Variants in SLC35B3 observed in about 807,000 individuals in gnomAD.
SLC35B3 encodes the protein adenosine 3'-phospho 5'-phosphosulfate transporter 2.
A neutral mutation model predicts 44.1 loss-of-function variants in SLC35B3; 35 were observed. The ratio of observed to expected loss-of-function variants is 0.79; its 90% CI spans 0.61 to 1.05. The LOEUF (loss-of-function observed/expected upper bound fraction) is 1.05. Among genes scored for constraint, SLC35B3 ranks in the 50% least tolerant of loss-of-function variants. The pLI is 0.00. For synonymous variants in SLC35B3, 146 were observed against 167.3 expected (o/e 0.87, Z 0.98); for missense variants, 414 against 476.4 (o/e 0.87, Z 1.22).
chr6:8,425,152 G>A (rs1192437110), intron 4 of SLC35B3, among the ~76,000 whole-genome samples: 3 of 152,156 alleles, frequency 2.0e-5, no homozygotes, highest in Admixed American at 6.5e-5. Context: ...AACATGGCTT[G>A]AGGCCCCCTC....
rs1012365385 is a variant in SLC35B3 at position 8,433,073 on chromosome 6, T to C, written c.3+1312A>G. Among the ~76,000 whole-genome samples the C allele has an allele frequency of 6.6e-6, 1 of 152,216 alleles. No homozygotes were observed. Among genetic ancestry groups the C allele is most frequent in the African/African-American group, 2.4e-5 (1 of 41,462 alleles). ...GGGAGTCATCTTAAGAATCTTTCCT[T>C]TTCCTCACATTCTATATTTTGCCAA... On this transcript the variant is annotated intron_variant, in intron 2 of 10. Coordinates refer to ENST00000644923, the MANE Select transcript of SLC35B3 (RefSeq NM_001370476.2). This position sits in a 1 kb window ranked among gnomAD's most constrained non-coding sequence, Gnocchi z 4.1.
chr6:8,423,607 A>G (rs1020092601), intron 4 of SLC35B3, among the ~76,000 whole-genome samples: 1 of 152,204 alleles, frequency 6.6e-6, no homozygotes, highest in Non-Finnish European at 1.5e-5. Context: ...CACTATTCAT[A>G]CTGATAATGC....
At chr6:8,429,262 G>A (rs561333518) in intron 3 of SLC35B3, among the ~76,000 whole-genome samples, 1 of 151,812 alleles carries the variant, frequency 6.6e-6, no homozygotes, top group South Asian at 2.1e-4. Flanking sequence ...CCTAGCCAAA[G>A]GTATATAACT....
intron 7 of SLC35B3, among the ~76,000 whole-genome samples, chr6:8,417,960 CT>C (rs1447266984): frequency 2.0e-5 from 3 of 152,062 alleles, no homozygotes; most frequent in South Asian, 2.1e-4. Context: ...ATTTACTATG[CT>C]TTTCATAAAC....
rs1357661654 is a variant in SLC35B3 at position 8,430,033 on chromosome 6, T to C, written c.128A>G (p.Tyr43Cys). 1.2e-6 allele frequency: 2 copies of C among 1,614,066 alleles called. No individual in the cohort carries two copies. Among genetic ancestry groups the C allele is most frequent in the Non-Finnish European group, 8.5e-7 (1 of 1,179,976 alleles). ...TTTGGATGGCACAGTGATAGAAATA[T>C]ATTTCCTGGAATTGTTGAACTTGAG... Residue 43 changes from tyrosine (Y) to cysteine (C), a missense_variant, in exon 3 of 11, where the codon TAT (tyrosine) becomes TGT (cysteine). Transcript: ENST00000644923.
intron 3 of SLC35B3, among the ~76,000 whole-genome samples, chr6:8,429,384 A>AT (rs1763744037): frequency 6.6e-6 from 1 of 152,214 alleles, no homozygotes; most frequent in African/African-American, 2.4e-5. Flanking sequence ...GACAAAACCA[A>AT]TAAGAATGAG....
intron 10 of SLC35B3, 59 bp from the exon 10 acceptor site, chr6:8,413,758 A>G: frequency 8.8e-7 from 1 of 1,133,034 alleles, no homozygotes; most frequent in Non-Finnish European, 1.2e-6. Flanking sequence ...TTTACTATTA[A>G]CCACAGAATT....
At position 8,414,987 on chromosome 6, in the gene SLC35B3, CA is replaced by C; in HGVS notation, c.986-11del. On this transcript the variant is annotated splice_polypyrimidine_tract_variant and intron_variant, in intron 9 of 10. Coordinates refer to ENST00000644923, the MANE Select transcript of SLC35B3 (RefSeq NM_001370476.2). ...TTTCTTCCTGTTGTCACTGTAGGAG[CA>C]AAAAATTAGTTTAGAATGTGCCTAT... is the stretch of plus-strand genomic sequence containing the variant. 4 of 1,586,286 alleles carry C rather than the reference CA, an allele frequency of 2.5e-6. No homozygotes were observed. The highest frequency in any genetic ancestry group is 1.7e-6 in the Non-Finnish European group (2 of 1,159,664).
In SLC35B3 at chr6:8,434,462, A is replaced by G; in HGVS notation, c.-43-32T>C. ...TGTACGATTATAAAACAGAAAAAAC[A>G]AAGTTCCATCTCATTTCTTTGTACA... is the stretch of plus-strand genomic sequence containing the variant. On this transcript the variant is annotated intron_variant, in intron 1 of 10. Coordinates refer to ENST00000644923, the MANE Select transcript of SLC35B3 (RefSeq NM_001370476.2). This position sits in a 1 kb window ranked among gnomAD's most constrained non-coding sequence, Gnocchi z 6.3. The G allele has an allele frequency of 6.3e-7, 1 of 1,595,440 alleles. No homozygotes were observed. Among genetic ancestry groups the G allele is most frequent in the Non-Finnish European group, 8.6e-7 (1 of 1,168,250 alleles).
rs759203429 is a variant in SLC35B3 at position 8,422,588 on chromosome 6, T to C, written c.456A>G (p.Leu152=). The change falls in exon 5 of 11, where the codon CTA becomes CTG. Residue 152 remains leucine (L), a synonymous_variant. Transcript: ENST00000644923. ...TTGATAACCCCATAGTACCCACAGT[T>C]AGAAAAGCTATTATCATGTAGGTTT... The C allele has an allele frequency of 1.6e-5, 26 of 1,612,222 alleles. No individual in the cohort carries two copies. The highest frequency in any genetic ancestry group is 2.0e-5 in the Non-Finnish European group (23 of 1,179,402).
At chr6:8,426,155 T>C (rs1763390173) in intron 4 of SLC35B3, among the ~76,000 whole-genome samples, 1 of 152,220 alleles carries the variant, frequency 6.6e-6, no homozygotes, top group African/African-American at 2.4e-5. Context: ...ACAGACTTGG[T>C]ATCCCTCATC....
At position 8,417,464 on chromosome 6, in the gene SLC35B3, A is replaced by G; in HGVS notation, c.811T>C (p.Tyr271His). 6.2e-7 allele frequency: 1 copy of G among 1,602,822 alleles called. No homozygotes were observed. Among genetic ancestry groups the G allele is most frequent in the Non-Finnish European group, 8.5e-7 (1 of 1,175,126 alleles). ...GTGCATGTCAATCCCAGTAAAATGT[A>G]TACAAAACCAATTGAATACGAATAC... The change falls in exon 8 of 11, where the codon TAC becomes CAC. Residue 271 changes from tyrosine to histidine, a missense_variant. Tyr to His is a moderately conservative substitution (Grantham distance 83). Transcript: ENST00000644923.
At chr6:8,422,158 C>A (rs372790736) in intron 5 of SLC35B3, among the ~76,000 whole-genome samples, 3 of 152,232 alleles carry the variant, frequency 2.0e-5, no homozygotes, top group African/African-American at 7.2e-5. Flanking sequence ...GGATACACCA[C>A]CATGCCTAGC....
intron 3 of SLC35B3, among the ~76,000 whole-genome samples, chr6:8,429,387 AG>A (rs1180774564): frequency 2.0e-5 from 3 of 152,348 alleles, no homozygotes; most frequent in Non-Finnish European, 4.4e-5. Flanking sequence ...AAAACCAATA[AG>A]AATGAGAATA....
In SLC35B3 at chr6:8,435,289, G is replaced by A; in HGVS notation, c.-44+54C>T. 2 of 1,289,318 alleles carry A rather than the reference G, an allele frequency of 1.6e-6. No individual in the cohort carries two copies. Among genetic ancestry groups the A allele is most frequent in the South Asian group, 1.2e-5 (1 of 81,022 alleles). The allele number at this position is 1,289,318 out of a possible 1,614,324, so 79.9% of individuals were successfully genotyped here. On this transcript the variant is annotated intron_variant, in intron 1 of 10. Coordinates refer to ENST00000644923, the MANE Select transcript of SLC35B3 (RefSeq NM_001370476.2). The surrounding 1 kb of genome is among the most constrained non-coding windows in gnomAD (Gnocchi z 5.5). Reference sequence around the variant, plus strand: ...AGATGGGCAGTGTCAAGGTTTTCTGGAGGAGAGGAGATCTGGGTCCCAAAC... The same window carrying A: ...AGATGGGCAGTGTCAAGGTTTTCTGAAGGAGAGGAGATCTGGGTCCCAAAC...
In SLC35B3 at chr6:8,413,547, G is replaced by A. The variant is rs1762142080; in HGVS notation, c.*2C>T. On this transcript the variant is annotated 3_prime_UTR_variant, in exon 11 of 11. Coordinates refer to ENST00000644923, the MANE Select transcript of SLC35B3 (RefSeq NM_001370476.2). ...TTCTATTTTAAATAGGACAATCACTGTCTATACAGTCTGTGCCAGCGTCCT... is the reference window on the plus strand; with the variant it reads ...TTCTATTTTAAATAGGACAATCACTATCTATACAGTCTGTGCCAGCGTCCT... 2 of 1,604,530 alleles carry A rather than the reference G, an allele frequency of 1.2e-6. No individual in the cohort carries two copies. Among genetic ancestry groups the A allele is most frequent in the Admixed American group, 1.7e-5 (1 of 58,560 alleles).
intron 4 of SLC35B3, among the ~76,000 whole-genome samples, chr6:8,425,783 T>C (rs184523869): frequency 3.2e-4 from 49 of 152,062 alleles, no homozygotes; most frequent in Non-Finnish European, 5.7e-4. Flanking sequence ...AACTGCCCAA[T>C]AGATACACGA....
intron 9 of SLC35B3, among the ~76,000 whole-genome samples, chr6:8,415,766 CCCT>C (rs1762361292): frequency 6.6e-6 from 1 of 151,916 alleles, no homozygotes; most frequent in African/African-American, 2.4e-5. Flanking sequence ...GTAAAAGGAC[CCCT>C]ATTTTGAGTT....
chr6:8,420,824 C>T lies in SLC35B3; in HGVS notation c.579G>A (p.Lys193=), dbSNP rs748079533. ...CAGACACATCTGCAACATTATAACG[C>T]TTTCCTGTATAAAACAAACGTAAGT... The change falls in exon 6 of 11, where the codon AAG becomes AAA. Residue 193 remains lysine, a synonymous_variant. Coordinates refer to ENST00000644923, the MANE Select transcript of SLC35B3 (RefSeq NM_001370476.2). This position sits in a 1 kb window ranked among gnomAD's most constrained non-coding sequence, Gnocchi z 4.4. 2 of 1,609,530 alleles carry T rather than the reference C, an allele frequency of 1.2e-6. No homozygotes were observed. The highest frequency in any genetic ancestry group is 2.2e-5 in the East Asian group (1 of 44,806).
Sources: gnomAD v4.1 joint callset for allele counts (sites outside exome capture counted in the v4.1 genomes callset) on GRCh38, gnomAD v4.1.1 for gene constraint, Gnocchi (gnomAD v3.1) non-coding constraint, MANE v1.5 for transcripts, NCBI Gene and HGNC (gene_info 2026-07-23, HGNC 2026-07-21) for gene names.